Variants in F8 observed in about 807,000 individuals in gnomAD.
The protein encoded by F8 is antihemophilic factor.
A neutral mutation model predicts 140.6 loss-of-function variants in F8; 12 were observed. The ratio of observed to expected loss-of-function variants is 0.09; its 90% CI spans 0.05 to 0.14. The LOEUF is 0.14. Among genes scored for constraint, F8 ranks in the 10% least tolerant of loss-of-function variants. F8 has a pLI of 1.00. For synonymous variants in F8, 585 were observed against 614.6 expected (o/e 0.95, Z 0.71); for missense variants, 1,354 against 1,720.7 (o/e 0.79, Z 3.77).
At chrX:154,947,224 G>GA (rs781928603) in intron 13 of F8, among the ~76,000 whole-genome samples, 450 of 17,761 alleles carry the variant, frequency 0.025, 34 homozygotes, top group African/African-American at 0.073. Flanking sequence ...GACTCCGTCT[G>GA]AAAAAAAAAA....
rs200396298 is a variant in F8 at position 154,928,781 on chromosome X, G to A, written c.5009C>T (p.Thr1670Ile). 272 of 1,209,733 alleles carry A rather than the reference G, an allele frequency of 2.2e-4. No homozygotes were observed. Among genetic ancestry groups the A allele is most frequent in the Non-Finnish European group, 2.9e-4 (263 of 895,057 alleles). Residue 1670 changes from threonine to isoleucine, a missense_variant, in exon 14 of 26, where the codon ACT becomes ATT. This residue lies in a region of F8 where 658 missense variants were observed against 666.5 expected (regional missense o/e 0.99). Transcript: ENST00000360256. ...PVLKRHQREI[T>I]RTTLQSDQEE... The stretch of plus-strand genomic sequence containing the variant: ...TTGATCTGACTGAAGAGTAGTACGA[G>A]TTATTTCCCGTTGATGGCGTTTCAA...
At position 155,021,000 on chromosome X, in the gene F8, C is replaced by T. The variant is rs143400172; in HGVS notation, c.143+1410G>A. Among the ~76,000 whole-genome samples the T allele has an allele frequency of 2.6e-4, 29 of 111,634 alleles. No homozygotes were observed. The East Asian group carries it at 7.8e-3, about 30-fold the overall frequency. ...GTTTGTTCAACAGAAGTAAAAGCAC[C>T]AGTATGTAATGATATAGGATATAGT... is the stretch of plus-strand genomic sequence containing the variant. On this transcript the variant is annotated intron_variant, in intron 1 of 25. Coordinates refer to ENST00000360256, the MANE Select transcript of F8 (RefSeq NM_000132.4).
At chrX:154,899,844 A>C in intron 21 of F8, 22 bp downstream of exon 21, 1 of 1,171,914 alleles carries the variant, frequency 8.5e-7, no homozygotes, top group Non-Finnish European at 1.2e-6. Flanking sequence ...TACATTTCCC[A>C]TCATTGATTA....
chrX:154,861,371 G>C lies in F8; in HGVS notation c.6723+347C>G, dbSNP rs1166226719. Among the ~76,000 whole-genome samples, 27 of 111,793 alleles carry C rather than the reference G, an allele frequency of 2.4e-4. No individual in the cohort carries two copies. The Admixed American group carries it at 2.6e-3, about 11-fold the overall frequency. On this transcript the variant is annotated intron_variant, in intron 24 of 25. Coordinates refer to ENST00000360256, the MANE Select transcript of F8 (RefSeq NM_000132.4). ...TTTGTATCCCTAGGCTCATCCTAGG[G>C]ATACTAAGATGTGCAGTAAATGTTT... is the stretch of plus-strand genomic sequence containing the variant.
At chrX:154,984,593 C>T (rs1481732303) in intron 6 of F8, 94 bp downstream of exon 6, 6 of 642,641 alleles carry the variant, frequency 9.3e-6, no homozygotes, top group Non-Finnish European at 1.6e-5. Context: ...TGGGCTATAT[C>T]CTCTGAGATG....
rs1281606179 is a variant in F8 at position 154,837,618 on chromosome X, G to A, written c.7035C>T (p.Cys2345=). 1.1e-5 allele frequency: 13 copies of A among 1,203,535 alleles called. No homozygotes were observed. Among genetic ancestry groups the A allele is most frequent in the Non-Finnish European group, 1.3e-5 (12 of 891,365 alleles). Residue 2345 remains cysteine, a synonymous_variant, in exon 26 of 26, where the codon TGC becomes TGT. Coordinates refer to ENST00000360256, the MANE Select transcript of F8 (RefSeq NM_000132.4). ...QIALRMEVLG[C]EAQDLY is the part of the protein sequence containing the mutation. ...ACCCTCAGTAGAGGTCCTGTGCCTC[G>A]CAGCCCAGAACCTCCATCCTCAGGG...
chrX:154,873,970 A>G (rs782753016), intron 22 of F8, among the ~76,000 whole-genome samples: 1 of 112,611 alleles, frequency 8.9e-6, no homozygotes, highest in Non-Finnish European at 1.9e-5. Context: ...CACAGGCAAC[A>G]AAAACAAAAA....
At chrX:155,002,095 G>C (rs2073649379) in intron 1 of F8, among the ~76,000 whole-genome samples, 1 of 112,319 alleles carries the variant, frequency 8.9e-6, no homozygotes, top group Non-Finnish European at 1.9e-5. Context: ...TACAGCATTT[G>C]TCTTTTCATG....
chrX:154,934,490 G>A (rs17281384), intron 13 of F8, among the ~76,000 whole-genome samples: 2,458 of 111,485 alleles, frequency 0.022, 21 homozygotes, highest in Middle Eastern at 0.041. Context: ...AGCTAGCATC[G>A]GTGGTTTTAC....
intron 22 of F8, among the ~76,000 whole-genome samples, chrX:154,881,713 C>A (rs1338085097): frequency 2.7e-5 from 3 of 109,495 alleles, no homozygotes; most frequent in African/African-American, 1.0e-4. Flanking sequence ...CTTCTTCAAC[C>A]TGATAGAGGG....
chrX:154,850,121 A>ATT (rs367621696), intron 25 of F8, among the ~76,000 whole-genome samples: 83 of 66,523 alleles, frequency 1.2e-3, no homozygotes, highest in Non-Finnish European at 1.9e-3. Flanking sequence ...GTGTGTGTGT[A>ATT]TTTTTTTTTT....
chrX:154,985,781 T>C (rs2073555630), intron 5 of F8, among the ~76,000 whole-genome samples: 1 of 112,378 alleles, frequency 8.9e-6, no homozygotes, highest in Admixed American at 9.4e-5. Context: ...TCAAGATGCT[T>C]ACACTCTAGC....
At chrX:154,912,691 A>G (rs1343574918) in intron 14 of F8, among the ~76,000 whole-genome samples, 1 of 111,927 alleles carries the variant, frequency 8.9e-6, no homozygotes. Context: ...TAGGGTCTGT[A>G]TTAGTCTGTT....
chrX:155,013,035 A>G (rs1359570428), intron 1 of F8, among the ~76,000 whole-genome samples: 1 of 105,723 alleles, frequency 9.5e-6, no homozygotes, highest in Non-Finnish European at 1.9e-5. Context: ...CGTCCCAGCT[A>G]CTCGGGAGGC....
In F8 at chrX:154,858,138, C is replaced by CA. The variant is rs1362877201; in HGVS notation, c.6900+2293dup. Reference sequence around the variant, plus strand: ...TGGGCAACAGAGCAAGACTCCATCTCAAAAAAAAAGTAGATATGATGACCT... The same window carrying CA: ...TGGGCAACAGAGCAAGACTCCATCTCAAAAAAAAAAGTAGATATGATGACCT... On this transcript the variant is annotated intron_variant, in intron 25 of 25. Coordinates refer to ENST00000360256, the MANE Select transcript of F8 (RefSeq NM_000132.4). Among the ~76,000 whole-genome samples, 80 of 110,215 alleles carry CA rather than the reference C, an allele frequency of 7.3e-4. No individual in the cohort carries two copies. The East Asian group carries it at 0.014, about 20-fold the overall frequency.
chrX:154,904,184 C>G, intron 17 of F8, 96 bp from the exon 18 acceptor site: 2 of 1,102,504 alleles, frequency 1.8e-6, no homozygotes, highest in East Asian at 6.0e-5. Flanking sequence ...GGATTCCACT[C>G]CCACAGATAT....
chrX:154,854,590 T>TTCTG (rs1557272362), intron 25 of F8, among the ~76,000 whole-genome samples: 1 of 100,440 alleles, frequency 1.0e-5, no homozygotes, highest in Non-Finnish European at 2.0e-5. Flanking sequence ...AGCTAATTCC[T>TTCTG]TGTGTGTGTG....
chrX:154,953,056 A>C (rs150203712), intron 12 of F8, among the ~76,000 whole-genome samples: 2,252 of 111,964 alleles, frequency 0.02, 27 homozygotes, highest in South Asian at 0.037. Context: ...GTGCTATCCT[A>C]TTGTTATTCT....
chrX:154,999,819 TG>T lies in F8; in HGVS notation c.144-220del, dbSNP rs781787342. Among the ~76,000 whole-genome samples, 19 of 112,701 alleles carry T rather than the reference TG, an allele frequency of 1.7e-4. No individual in the cohort carries two copies. In the South Asian group the frequency reaches 6.3e-3, roughly 37 times the overall value. ...AATCATAAAATCAATAACCATACAC[TG>T]CATCAGCCAAAAATCCTTTGCCAAA... On this transcript the variant is annotated intron_variant, in intron 1 of 25. Coordinates refer to ENST00000360256, the MANE Select transcript of F8 (RefSeq NM_000132.4).
Sources: allele counts gnomAD v4.1 joint callset (sites outside exome capture counted in the v4.1 genomes callset), GRCh38; gene constraint gnomAD v4.1.1; regional missense constraint gnomAD v4.1.1; transcripts MANE v1.5; gene names NCBI Gene and HGNC (gene_info 2026-07-23, HGNC 2026-07-21).